The following JMY variants were observed in gnomAD, a reference collection of about 807,000 sequenced individuals.
JMY encodes the protein junction mediating and regulatory protein, p53 cofactor, also known as junction-mediating and -regulatory protein.
JMY carries 46 observed loss-of-function variants against 103.3 expected under a neutral mutation model. That is an observed-to-expected ratio of 0.45 (90% CI 0.35 to 0.57). The LOEUF is 0.57. Among genes scored for constraint, JMY ranks in the 20% least tolerant of loss-of-function variants. The probability of loss-of-function intolerance (pLI) is 0.00; values close to 1 mark genes in which losing one functional copy is unlikely to be tolerated. For synonymous variants in JMY, 526 were observed against 489.3 expected (o/e 1.07, Z -0.99); for missense variants, 1,238 against 1,255.2 (o/e 0.99, Z 0.21).
At chr5:79,296,708 CAGT>C (rs1216187360) in intron 4 of JMY, among the ~76,000 whole-genome samples, 8 of 152,196 alleles carry the variant, frequency 5.3e-5, no homozygotes, top group Admixed American at 2.0e-4. Context: ...GTAACTCAAA[CAGT>C]GGTGGATGCT....
intron 4 of JMY, among the ~76,000 whole-genome samples, chr5:79,296,593 T>C (rs1417857397): frequency 6.6e-6 from 1 of 152,242 alleles, no homozygotes; most frequent in Non-Finnish European, 1.5e-5. Flanking sequence ...GAGTCCCTAC[T>C]GTCTCAGCCT....
chr5:79,312,493 A>C lies in JMY; in HGVS notation c.2059A>C (p.Lys687Gln). ...QRTLDRLRTF[K>Q]QRYPGQVILK... ...AACACTGGATAGACTTCGAACATTTAAACAGGTATTAAAAGTAATGGTCCA... is the reference window on the plus strand; with the variant it reads ...AACACTGGATAGACTTCGAACATTTCAACAGGTATTAAAAGTAATGGTCCA... Residue 687 changes from lysine (K) to glutamine (Q), a missense_variant, in exon 8 of 11, where the codon AAA becomes CAA. Lys to Gln is a moderately conservative substitution (Grantham distance 53). Coordinates refer to ENST00000396137, the MANE Select transcript of JMY (RefSeq NM_152405.5). 1 of 1,538,594 alleles carries C rather than the reference A, an allele frequency of 6.5e-7. No homozygotes were observed. Among genetic ancestry groups the C allele is most frequent in the Non-Finnish European group, 8.8e-7 (1 of 1,138,748 alleles).
At chr5:79,284,423 T>A (rs187175973) in intron 2 of JMY, 143 of 1,480,258 alleles carry the variant, frequency 9.7e-5, no homozygotes, top group East Asian at 1.8e-4. Flanking sequence ...TTCCATCATC[T>A]TCTTCCGGAT....
chr5:79,303,282 C>T (rs1336113343), intron 6 of JMY, among the ~76,000 whole-genome samples: 1 of 152,010 alleles, frequency 6.6e-6, no homozygotes, highest in East Asian at 1.9e-4. Flanking sequence ...GTTGCCCAGG[C>T]TGGTCTCAAA....
At chr5:79,241,579 G>A (rs574326635) in intron 1 of JMY, among the ~76,000 whole-genome samples, 1 of 152,308 alleles carries the variant, frequency 6.6e-6, no homozygotes, top group South Asian at 2.1e-4. Flanking sequence ...GCTATGGATG[G>A]ATTTTAATGG....
At chr5:79,277,406 G>T (rs926772702) in intron 1 of JMY, among the ~76,000 whole-genome samples, 4 of 151,476 alleles carry the variant, frequency 2.6e-5, no homozygotes, top group African/African-American at 9.7e-5. Context: ...GCGGGTGGCT[G>T]TCTTGAGCCA....
rs754725002 is a variant in JMY, at chr5:79,306,475, C to G, written c.1968+14C>G. ...ACAGTACAACTAGTAAGTTTGGATT[C>G]GAAGATTTTGAACAAAACTTAATTT... is the stretch of plus-strand genomic sequence containing the variant. On this transcript the variant is annotated intron_variant, in intron 7 of 10. Coordinates refer to ENST00000396137, the MANE Select transcript of JMY (RefSeq NM_152405.5). 1 of 1,572,746 alleles carries G rather than the reference C, an allele frequency of 6.4e-7. No homozygotes were observed. Among genetic ancestry groups the G allele is most frequent in the Non-Finnish European group, 8.7e-7 (1 of 1,147,574 alleles).
At chr5:79,317,443 A>G (rs887067880) in intron 10 of JMY, among the ~76,000 whole-genome samples, 1 of 152,204 alleles carries the variant, frequency 6.6e-6, no homozygotes, top group African/African-American at 2.4e-5. Context: ...TACACCAAAT[A>G]TATAGAAACA....
intron 1 of JMY, among the ~76,000 whole-genome samples, chr5:79,274,696 G>A (rs1270265186): frequency 6.6e-6 from 1 of 152,098 alleles, no homozygotes; most frequent in Non-Finnish European, 1.5e-5. Context: ...TTGATCCACC[G>A]CACCTGCCCC....
chr5:79,262,077 C>T (rs1046446533), intron 1 of JMY, among the ~76,000 whole-genome samples: 33 of 152,292 alleles, frequency 2.2e-4, no homozygotes, highest in African/African-American at 7.7e-4. Context: ...CTGCTGTGGC[C>T]GTTTTTATGT....
chr5:79,273,892 G>A (rs776401805), intron 1 of JMY, among the ~76,000 whole-genome samples: 2 of 152,004 alleles, frequency 1.3e-5, no homozygotes, highest in South Asian at 2.1e-4. Context: ...GTGCAATGGC[G>A]CTATCTCGGC....
Position 79,323,342 on chromosome 5 carries a change from T to A in JMY, c.*1740T>A, listed in dbSNP as rs1747524263. ...GCAGCATCTTCATAATACATTGGTT[T>A]TAGTTCCCACACTATTCCCACATCT... On this transcript the variant is annotated 3_prime_UTR_variant, in exon 11 of 11. Transcript: ENST00000396137. 6.6e-6 allele frequency: 1 copy of A among 152,214 alleles called. No individual in the cohort carries two copies. The highest frequency in any genetic ancestry group is 2.4e-5 in the African/African-American group (1 of 41,448). 9.4% of individuals were successfully genotyped at this position (152,214 alleles called of 1,614,324 possible).
chr5:79,254,742 ATC>A (rs1216975372), intron 1 of JMY, among the ~76,000 whole-genome samples: 1 of 151,588 alleles, frequency 6.6e-6, no homozygotes, highest in African/African-American at 2.4e-5. Context: ...TTTCTACCCC[ATC>A]TCTCTACCTC....
intron 7 of JMY, among the ~76,000 whole-genome samples, chr5:79,308,228 C>T (rs1746945626): frequency 6.6e-6 from 1 of 152,096 alleles, no homozygotes; most frequent in Non-Finnish European, 1.5e-5. Context: ...TAACAAAGTC[C>T]AATTTACCAG....
chr5:79,279,528 AT>A (rs1476761459), intron 2 of JMY, among the ~76,000 whole-genome samples: 2 of 152,198 alleles, frequency 1.3e-5, no homozygotes, highest in East Asian at 3.9e-4. Flanking sequence ...AAGATTGAGT[AT>A]TTGAGAAAAT....
intron 6 of JMY, 46 bp from the exon 7 acceptor site, chr5:79,306,329 T>A: frequency 7.5e-7 from 1 of 1,338,250 alleles, no homozygotes; most frequent in Non-Finnish European, 1.1e-6. Flanking sequence ...GTGTTCAGAG[T>A]CTTTCAAGTT....
rs142775472 is a variant in JMY at position 79,244,119 on chromosome 5, G to A, written c.1032+6437G>A. Among the ~76,000 whole-genome samples, 787 of 151,618 alleles carry A rather than the reference G, an allele frequency of 5.2e-3. 8 individuals carry two copies. The highest frequency in any genetic ancestry group is 0.019 in the African/African-American group (774 of 41,270). ...GGCTTCTAGCGATTCTCCTGCCTCA[G>A]CCTCCTGAGTAACTGGGATTACAAG... On this transcript the variant is annotated intron_variant, in intron 1 of 10. Transcript: ENST00000396137.
chr5:79,309,318 C>G (rs553854796), intron 7 of JMY, among the ~76,000 whole-genome samples: 1 of 152,128 alleles, frequency 6.6e-6, no homozygotes, highest in South Asian at 2.1e-4. Flanking sequence ...AGGAAGTTCC[C>G]CCTCTATTCC....
At chr5:79,291,531 G>A (rs1466590092) in intron 4 of JMY, among the ~76,000 whole-genome samples, 1 of 152,152 alleles carries the variant, frequency 6.6e-6, no homozygotes, top group African/African-American at 2.4e-5. Context: ...GATCAGAGGG[G>A]CCAGCATCAG....
Sources: gnomAD v4.1 joint callset for allele counts (sites outside exome capture counted in the v4.1 genomes callset) on GRCh38, gnomAD v4.1.1 for gene constraint, MANE v1.5 for transcripts, NCBI Gene and HGNC (gene_info 2026-07-23, HGNC 2026-07-21) for gene names.